The following FRMD4B variants were observed in gnomAD, a reference collection of about 807,000 sequenced individuals.
FRMD4B encodes FERM domain containing 4B, also known as FERM domain-containing protein 4B.
Under a neutral mutation model 141.5 loss-of-function variants are expected in FRMD4B, and 74 were observed. The ratio of observed to expected loss-of-function variants is 0.52; its 90% confidence interval spans 0.43 to 0.63. FRMD4B has a LOEUF of 0.63. Among genes scored for constraint, FRMD4B ranks in the 30% least tolerant of loss-of-function variants. The pLI is 0.00. For missense variants in FRMD4B, 1,366 were observed against 1,253.4 expected, an observed-to-expected ratio of 1.09 and a Z score of -1.36; for synonymous variants, 506 against 467.9, an observed-to-expected ratio of 1.08 and a Z score of -1.05.
chr3:69,395,239 A>AT (rs1051974157), intron 2 of FRMD4B, among the ~76,000 whole-genome samples: 7 of 151,896 alleles, frequency 4.6e-5, no homozygotes, highest in South Asian at 2.1e-4. Context: ...ATGAACAGTT[A>AT]TTTTTTTTAT....
chr3:69,200,343 G>T, intron 11 of FRMD4B: 1 of 794,650 alleles, frequency 1.3e-6, no homozygotes. Flanking sequence ...GTTCACAGAA[G>T]AATTAATAAA....
intron 5 of FRMD4B, among the ~76,000 whole-genome samples, chr3:69,268,754 G>A (rs1418051276): frequency 1.3e-5 from 2 of 151,786 alleles, no homozygotes; most frequent in African/African-American, 4.9e-5. Flanking sequence ...TGGCTGTTTT[G>A]CATGAATAAA....
chr3:69,374,192 T>C (rs1001811822), intron 1 of FRMD4B, among the ~76,000 whole-genome samples: 3 of 152,328 alleles, frequency 2.0e-5, no homozygotes, highest in Middle Eastern at 3.4e-3. Flanking sequence ...ATCAATGTTA[T>C]CTTTAACCTT....
chr3:69,356,259 C>A (rs1425307617), intron 1 of FRMD4B, among the ~76,000 whole-genome samples: 3 of 152,102 alleles, frequency 2.0e-5, no homozygotes, highest in African/African-American at 4.8e-5. Context: ...GAGGGTATTG[C>A]CAAAGGAGAT....
At position 69,424,626 on chromosome 3, in the gene FRMD4B, C is replaced by T. The variant is rs544933593; in HGVS notation, c.-1+8008G>A. ...TATACAAAAATCCTTCACTGATAGT[C>T]GGAAATAAATATTAAACAAATGAGA... On this transcript the variant is annotated intron_variant, in intron 2 of 5. Transcript: ENST00000459638. 1.2e-4 allele frequency among the ~76,000 whole-genome samples: 18 copies of T among 152,140 alleles called. No homozygotes were observed. The South Asian group carries it at 1.5e-3, about 12-fold the overall frequency.
chr3:69,180,981 G>A lies in FRMD4B; in HGVS notation c.2769C>T (p.Asp923=), dbSNP rs2092700994. 1 of 1,613,984 alleles carries A rather than the reference G, an allele frequency of 6.2e-7. No homozygotes were observed. Among genetic ancestry groups the A allele is most frequent in the African/African-American group, 1.3e-5 (1 of 75,054 alleles). Residue 923 remains aspartate (D), a synonymous_variant, in exon 21 of 23, where the codon GAC becomes GAT. Coordinates refer to ENST00000398540, the MANE Select transcript of FRMD4B (RefSeq NM_015123.3). ...GHSPQTSFDS[D]RGSQRCLGFA... is the part of the protein sequence containing the mutation. The stretch of plus-strand genomic sequence containing the variant: ...ACCCCAGGCATCTCTGTGATCCCCT[G>A]TCTGAGTCAAAGCTGGTCTGCGGGC...
At chr3:69,502,984 G>C (rs1193215092) in intron 1 of FRMD4B, among the ~76,000 whole-genome samples, 1 of 152,190 alleles carries the variant, frequency 6.6e-6, no homozygotes, top group Non-Finnish European at 1.5e-5. Flanking sequence ...ACCACAATGA[G>C]ACAGCATCTC....
chr3:69,242,733 A>T (rs1272021009), intron 7 of FRMD4B, among the ~76,000 whole-genome samples: 1 of 150,822 alleles, frequency 6.6e-6, no homozygotes, highest in African/African-American at 2.4e-5. Flanking sequence ...CTCACCTGTA[A>T]TCTGTAATCC....
chr3:69,208,960 G>A (rs767771343), intron 11 of FRMD4B, among the ~76,000 whole-genome samples: 56 of 152,080 alleles, frequency 3.7e-4, no homozygotes, highest in Middle Eastern at 3.4e-3. Context: ...CCTGGCCAAC[G>A]TGGTGAAACC....
intron 5 of FRMD4B, among the ~76,000 whole-genome samples, chr3:69,262,866 CAT>C (rs2093536841): frequency 6.6e-6 from 1 of 152,126 alleles, no homozygotes; most frequent in Non-Finnish European, 1.5e-5. Flanking sequence ...ATCTCAAAAA[CAT>C]AATTTGAGTA....
At chr3:69,458,782 T>C (rs1705658390) in intron 1 of FRMD4B, among the ~76,000 whole-genome samples, 1 of 146,536 alleles carries the variant, frequency 6.8e-6, no homozygotes, top group Non-Finnish European at 1.5e-5. Flanking sequence ...TCTTATTACC[T>C]GGGTAGAATG....
chr3:69,362,433 TA>T (rs1199863838), intron 1 of FRMD4B, among the ~76,000 whole-genome samples: 2 of 152,128 alleles, frequency 1.3e-5, no homozygotes, highest in East Asian at 3.8e-4. Context: ...GAGACACTGG[TA>T]AATATTTCTG....
At chr3:69,240,247 C>G (rs747849314) in intron 7 of FRMD4B, among the ~76,000 whole-genome samples, 1 of 151,568 alleles carries the variant, frequency 6.6e-6, no homozygotes, top group Non-Finnish European at 1.5e-5. Flanking sequence ...TTTGGGAGGC[C>G]GAGGAGGGTG....
chr3:69,279,805 C>T (rs1383348823), intron 5 of FRMD4B, among the ~76,000 whole-genome samples: 3 of 147,432 alleles, frequency 2.0e-5, no homozygotes, highest in Non-Finnish European at 3.0e-5. Flanking sequence ...TCCTCCTCCT[C>T]CTCTTCCTTC....
chr3:69,390,502 TA>T (rs1704358190), upstream of FRMD4B, among the ~76,000 whole-genome samples: 1 of 152,132 alleles, frequency 6.6e-6, no homozygotes, highest in Admixed American at 6.5e-5. Context: ...GGGATGCCGC[TA>T]AACATTATAT....
At chr3:69,376,150 T>C (rs1470745827) in intron 1 of FRMD4B, among the ~76,000 whole-genome samples, 2 of 152,096 alleles carry the variant, frequency 1.3e-5, no homozygotes, top group Non-Finnish European at 2.9e-5. Flanking sequence ...TATAAAAACA[T>C]GCCTGGGAAT....
intron 4 of FRMD4B, among the ~76,000 whole-genome samples, chr3:69,291,136 G>A (rs1207771776): frequency 6.6e-6 from 1 of 152,144 alleles, no homozygotes; most frequent in African/African-American, 2.4e-5. Context: ...CTCAGAAGGG[G>A]AAGCCCTTTC....
intron 5 of FRMD4B, among the ~76,000 whole-genome samples, chr3:69,278,871 G>A (rs1271963819): frequency 1.3e-5 from 2 of 152,166 alleles, no homozygotes; most frequent in African/African-American, 4.8e-5. Context: ...TTAGAAGCAT[G>A]AGCCACCATG....
chr3:69,320,139 C>T (rs1402252083), intron 1 of FRMD4B, among the ~76,000 whole-genome samples: 1 of 152,172 alleles, frequency 6.6e-6, no homozygotes, highest in Non-Finnish European at 1.5e-5. Flanking sequence ...GACTCCCAGG[C>T]TACAGCGTAA....
Sources: allele counts gnomAD v4.1 joint callset (sites outside exome capture counted in the v4.1 genomes callset), GRCh38; gene constraint gnomAD v4.1.1; transcripts MANE v1.5; gene names NCBI Gene and HGNC (gene_info 2026-07-23, HGNC 2026-07-21).